Variants in GRIA1 observed in about 807,000 individuals in gnomAD.
GRIA1 encodes the protein glutamate receptor 1.
In GRIA1, 31 loss-of-function variants were observed where a neutral mutation model predicts 99.2. That is an observed-to-expected ratio of 0.31 (90% CI 0.23 to 0.42). GRIA1 has a LOEUF of 0.42. Among genes scored for constraint, GRIA1 ranks in the 10% least tolerant of loss-of-function variants. The pLI, the probability that GRIA1 is intolerant of heterozygous loss-of-function variation, is 1.00. For synonymous variants in GRIA1, 438 were observed against 432.4 expected (o/e 1.01, Z -0.16); for missense variants, 782 against 1,157.5 (o/e 0.68, Z 4.71).
intron 2 of GRIA1, among the ~76,000 whole-genome samples, chr5:153,622,998 T>C (rs1474904891): frequency 1.3e-5 from 2 of 152,224 alleles, no homozygotes; most frequent in Non-Finnish European, 2.9e-5. Context: ...TTGATCACTT[T>C]AGAGTGGAGA....
intron 2 of GRIA1, among the ~76,000 whole-genome samples, chr5:153,610,731 G>T (rs961566102): frequency 6.6e-6 from 1 of 152,144 alleles, no homozygotes; most frequent in Non-Finnish European, 1.5e-5. Flanking sequence ...AAGTAAAAGT[G>T]CTACTTTATC....
intron 11 of GRIA1, among the ~76,000 whole-genome samples, chr5:153,763,307 G>A (rs987256044): frequency 1.3e-5 from 2 of 152,246 alleles, no homozygotes; most frequent in African/African-American, 2.4e-5. Context: ...CTGCTGTCCC[G>A]AGGCACAGTA....
At chr5:153,690,612 G>T (rs1393491018) in intron 8 of GRIA1, among the ~76,000 whole-genome samples, 1 of 152,138 alleles carries the variant, frequency 6.6e-6, no homozygotes, top group Non-Finnish European at 1.5e-5. Flanking sequence ...CCTTCTATAG[G>T]CCACAGGGAT....
intron 2 of GRIA1, 47 bp from the exon 3 acceptor site, chr5:153,646,879 GAC>G: frequency 6.3e-7 from 1 of 1,599,626 alleles, no homozygotes; most frequent in Admixed American, 1.7e-5. Flanking sequence ...GGAGTCATCT[GAC>G]CACTTTTTGC....
intron 5 of GRIA1, among the ~76,000 whole-genome samples, chr5:153,667,096 A>T (rs1456461862): frequency 6.6e-6 from 1 of 152,214 alleles, no homozygotes; most frequent in East Asian, 1.9e-4. Context: ...AATTTGGGGA[A>T]ACTTGGCATG....
At chr5:153,507,484 C>T (rs1222063024) in intron 2 of GRIA1, among the ~76,000 whole-genome samples, 1 of 152,190 alleles carries the variant, frequency 6.6e-6, no homozygotes, top group Non-Finnish European at 1.5e-5. Context: ...GGCATCCTTC[C>T]TGCCAAACTC....
chr5:153,645,332 T>C (rs1754066954), intron 2 of GRIA1, among the ~76,000 whole-genome samples: 1 of 152,204 alleles, frequency 6.6e-6, no homozygotes, highest in Non-Finnish European at 1.5e-5. Flanking sequence ...AGCTGCAATC[T>C]TTAAGAGATT....
chr5:153,724,772 T>C (rs1760377086), intron 11 of GRIA1, among the ~76,000 whole-genome samples: 1 of 152,228 alleles, frequency 6.6e-6, no homozygotes, highest in African/African-American at 2.4e-5. Flanking sequence ...TATGTCTGAT[T>C]GGTGTACCTG....
intron 7 of GRIA1, among the ~76,000 whole-genome samples, chr5:153,678,975 AT>A (rs201625453): frequency 0.013 from 2,018 of 152,116 alleles, 61 homozygotes; most frequent in African/African-American, 0.047. Flanking sequence ...AAACAGTCTA[AT>A]TTTTTTTCTT....
intron 7 of GRIA1, among the ~76,000 whole-genome samples, chr5:153,682,134 G>C (rs1309697342): frequency 2.0e-5 from 3 of 152,112 alleles, no homozygotes; most frequent in African/African-American, 7.2e-5. Flanking sequence ...GACTCAGGTA[G>C]GAAAGTGAAG....
rs114829117 is a variant in GRIA1, at chr5:153,757,282, G to C, written c.1824-7152G>C. 6.0e-3 allele frequency among the ~76,000 whole-genome samples: 918 copies of C among 152,124 alleles called. 10 individuals are homozygous for C. The highest frequency in any genetic ancestry group is 0.021 in the African/African-American group (877 of 41,518). ...GGAAAAAAGAATGAAATAGAACAAA[G>C]AAAGCTTATAGAATCTATGGAATAG... On this transcript the variant is annotated intron_variant, in intron 11 of 15. Coordinates refer to ENST00000285900, the MANE Select transcript of GRIA1 (RefSeq NM_000827.4).
In GRIA1 at chr5:153,646,728, A is replaced by G. The variant is rs538785298; in HGVS notation, c.221-200A>G. 2.9e-4 allele frequency among the ~76,000 whole-genome samples: 44 copies of G among 152,298 alleles called. 1 individual carries two copies. In the Middle Eastern group the frequency reaches 0.01, roughly 35 times the overall value. On this transcript the variant is annotated intron_variant, in intron 2 of 15. Transcript: ENST00000285900. The stretch of plus-strand genomic sequence containing the variant: ...GTGTGAGTGGGGTAGTTAGATGGGT[A>G]GGATGGATGGACAGTTGGATAGACT...
chr5:153,555,757 A>G (rs62384367), intron 2 of GRIA1, among the ~76,000 whole-genome samples: 13,168 of 152,250 alleles, frequency 0.086, 743 homozygotes, highest in Non-Finnish European at 0.13. Flanking sequence ...ACAGACTGCT[A>G]AAGGAGACTC....
intron 2 of GRIA1, 41 bp from the exon 3 acceptor site, chr5:153,646,887 T>C: frequency 6.2e-7 from 1 of 1,605,238 alleles, no homozygotes; most frequent in Non-Finnish European, 8.5e-7. Flanking sequence ...CTGACCACTT[T>C]TTGCAGTCTT....
At chr5:153,578,266 T>C (rs1196582862) in intron 2 of GRIA1, among the ~76,000 whole-genome samples, 6 of 151,100 alleles carry the variant, frequency 4.0e-5, no homozygotes, top group Non-Finnish European at 7.4e-5. Flanking sequence ...AACATGAAGG[T>C]ATTCGTTTAA....
chr5:153,675,163 T>G (rs1027918002), intron 6 of GRIA1, among the ~76,000 whole-genome samples: 3 of 152,324 alleles, frequency 2.0e-5, no homozygotes, highest in East Asian at 1.9e-4. Context: ...CTACCCCCAG[T>G]TGGCTGCAAG....
At chr5:153,725,363 C>A (rs1760437767) in intron 11 of GRIA1, among the ~76,000 whole-genome samples, 2 of 150,302 alleles carry the variant, frequency 1.3e-5, no homozygotes, top group Non-Finnish European at 1.5e-5. Context: ...AACCAGCTAA[C>A]ATCATCATGA....
At chr5:153,612,878 G>A (rs1045694243) in intron 2 of GRIA1, among the ~76,000 whole-genome samples, 2 of 151,876 alleles carry the variant, frequency 1.3e-5, no homozygotes, top group Admixed American at 1.3e-4. Context: ...ACCAGTGTGT[G>A]CTTCCCCTTC....
chr5:153,517,771 A>G (rs1756765292), intron 2 of GRIA1, among the ~76,000 whole-genome samples: 1 of 152,232 alleles, frequency 6.6e-6, no homozygotes. Context: ...CCATATCACT[A>G]CATTAACCTC....
Sources: allele counts gnomAD v4.1 joint callset (sites outside exome capture counted in the v4.1 genomes callset), GRCh38; gene constraint gnomAD v4.1.1; transcripts MANE v1.5; gene names NCBI Gene and HGNC (gene_info 2026-07-23, HGNC 2026-07-21).